The following GATB variants were observed in gnomAD, a reference collection of about 807,000 sequenced individuals.
GATB encodes the protein glutamyl-tRNA amidotransferase subunit B.
GATB carries 39 observed loss-of-function variants against 62.3 expected under a neutral mutation model. That is an observed-to-expected ratio of 0.63 (90% CI 0.48 to 0.82). The LOEUF is 0.82. Ranked by LOEUF, GATB falls within the 40% of genes least tolerant of loss-of-function variation. GATB has a pLI of 0.00. For missense variants in GATB, 670 were observed against 684.0 expected, an observed-to-expected ratio of 0.98 and a Z score of 0.23; for synonymous variants, 276 against 258.9, an observed-to-expected ratio of 1.07 and a Z score of -0.63.
chr4:151,755,456 T>C (rs551140581), intron 2 of GATB, among the ~76,000 whole-genome samples: 1 of 152,338 alleles, frequency 6.6e-6, no homozygotes, highest in South Asian at 2.1e-4. Context: ...TGCATATAAG[T>C]CTTTGCCCAC....
In GATB at chr4:151,760,894, G is replaced by A; in HGVS notation, c.89C>T (p.Ala30Val). The A allele has an allele frequency of 6.2e-7, 1 of 1,613,918 alleles. No individual in the cohort carries two copies. The highest frequency in any genetic ancestry group is 8.5e-7 in the Non-Finnish European group (1 of 1,179,914). Reference sequence around the variant, plus strand: ...CTGGTTGGATGTGGACCCAGTCGGAGCCCCTCTTCGGTGGCAAGAACCACC... The same window carrying A: ...CTGGTTGGATGTGGACCCAGTCGGAACCCCTCTTCGGTGGCAAGAACCACC... ...VDGGSCHRRG[A>V]PTGSTSNQIR... Residue 30 changes from alanine to valine, a missense_variant, in exon 1 of 13, where the codon GCT becomes GTT. Coordinates refer to ENST00000263985, the MANE Select transcript of GATB (RefSeq NM_004564.3).
chr4:151,706,655 C>T (rs576043152), intron 6 of GATB, among the ~76,000 whole-genome samples: 16 of 117,164 alleles, frequency 1.4e-4, no homozygotes, highest in African/African-American at 7.4e-4. Flanking sequence ...TGCCTTTTTC[C>T]TGAAGACTGT....
At chr4:151,679,761 A>C in intron 11 of GATB, 52 bp downstream of exon 11, 1 of 1,480,952 alleles carries the variant, frequency 6.8e-7, no homozygotes, top group Non-Finnish European at 9.4e-7. Flanking sequence ...GTCACAGAAA[A>C]CATTTCTTGG....
chr4:151,690,195 G>A (rs1231118528), intron 9 of GATB, among the ~76,000 whole-genome samples: 1 of 152,204 alleles, frequency 6.6e-6, no homozygotes, highest in East Asian at 1.9e-4. Context: ...TATTGCAGCT[G>A]CTGGAATACA....
In GATB at chr4:151,705,237, C is replaced by T. The variant is rs1310363005; in HGVS notation, c.910G>A (p.Glu304Lys). The change falls in exon 7 of 13, where the codon GAG (glutamate) becomes AAG (lysine). Residue 304 changes from glutamate (E) to lysine (K), a missense_variant. By Grantham distance (56) the Glu-to-Lys change is moderately conservative. Coordinates refer to ENST00000263985, the MANE Select transcript of GATB (RefSeq NM_004564.3). ...YEIQRQINEL[E>K]NGGEILNETR... ...TCGTTCAGAATTTCACCTCCATTCT[C>T]AAGTTCATTGATTTGCCTCTGAATT... 3 of 1,612,978 alleles carry T rather than the reference C, an allele frequency of 1.9e-6. No individual in the cohort carries two copies. Among genetic ancestry groups the T allele is most frequent in the Non-Finnish European group, 2.5e-6 (3 of 1,179,226 alleles).
intron 2 of GATB, among the ~76,000 whole-genome samples, chr4:151,732,502 A>T (rs1216104138): frequency 6.6e-6 from 1 of 152,014 alleles, no homozygotes; most frequent in East Asian, 1.9e-4. Flanking sequence ...GCTTTGTTAA[A>T]CAGATGCTTG....
Position 151,706,702 on chromosome 4 carries a change from A to C in GATB, c.877+1286T>G, listed in dbSNP as rs1244521329. 2.0e-5 allele frequency among the ~76,000 whole-genome samples: 3 copies of C among 152,330 alleles called. No homozygotes were observed. The East Asian group carries it at 5.8e-4, about 29-fold the overall frequency. On this transcript the variant is annotated intron_variant, in intron 6 of 12. Coordinates refer to ENST00000263985, the MANE Select transcript of GATB (RefSeq NM_004564.3). ...GGTTGATTCACTTCAGGTTCAGGACAATAAGGTCTAATACAAGACTAGAAT... is the reference window on the plus strand; with the variant it reads ...GGTTGATTCACTTCAGGTTCAGGACCATAAGGTCTAATACAAGACTAGAAT...
At chr4:151,682,975 C>T (rs895163468) in intron 10 of GATB, among the ~76,000 whole-genome samples, 22 of 152,116 alleles carry the variant, frequency 1.4e-4, no homozygotes, top group Admixed American at 5.9e-4. Context: ...AGCTGAGCCA[C>T]GGTTGAGAAC....
chr4:151,707,169 A>G (rs1160010744), intron 6 of GATB, among the ~76,000 whole-genome samples: 1 of 152,284 alleles, frequency 6.6e-6, no homozygotes, highest in Non-Finnish European at 1.5e-5. Context: ...ACCATGACCT[A>G]GTAAATCTCA....
At chr4:151,679,388 A>C (rs1738088836) in intron 11 of GATB, among the ~76,000 whole-genome samples, 1 of 151,826 alleles carries the variant, frequency 6.6e-6, no homozygotes, top group Non-Finnish European at 1.5e-5. Context: ...TTGAGGACAG[A>C]CTCTCTGAGG....
At chr4:151,697,985 A>ATATATATATGTG (rs1738522157) in intron 9 of GATB, among the ~76,000 whole-genome samples, 1 of 138,288 alleles carries the variant, frequency 7.2e-6, no homozygotes, top group African/African-American at 2.9e-5. Context: ...ATATATATAT[A>ATATATATATGTG]TATATATATG....
At chr4:151,732,564 A>C (rs1297222523) in intron 2 of GATB, among the ~76,000 whole-genome samples, 1 of 152,162 alleles carries the variant, frequency 6.6e-6, no homozygotes, top group Non-Finnish European at 1.5e-5. Flanking sequence ...TCAAGTACCC[A>C]GGGACACAAA....
At chr4:151,757,467 A>AT (rs745311470) in intron 2 of GATB, among the ~76,000 whole-genome samples, 53,347 of 103,878 alleles carry the variant, frequency 0.51, 15,999 homozygotes, top group African/African-American at 0.8. Flanking sequence ...CAGCTTCCAG[A>AT]TTTTTTTTTT....
rs1317485053 is a variant in GATB, at chr4:151,718,267, T to TA, written c.441+1157dup. ...TGCTGAGACGGGAAGTCTCAATTTG[T>TA]AAAACTAAGCTCTGGGTAGGGTTGT... is the stretch of plus-strand genomic sequence containing the variant. On this transcript the variant is annotated intron_variant, in intron 3 of 12. Transcript: ENST00000263985. Among the ~76,000 whole-genome samples the TA allele has an allele frequency of 2.0e-5, 3 of 152,176 alleles. No homozygotes were observed. The East Asian group carries it at 5.8e-4, about 29-fold the overall frequency.
At position 151,697,953 on chromosome 4, in the gene GATB, GTATATATATATATATATATA is replaced by G. The variant is rs56231389; in HGVS notation, c.1197+3356_1197+3375del. ...TTCATATATATGTGTGTGTGTGTGT[GTATATATATATATATATATA>G]TATATATATATATATATATATGAAA... On this transcript the variant is annotated intron_variant, in intron 9 of 12. Transcript: ENST00000263985. Among the ~76,000 whole-genome samples the G allele has an allele frequency of 9.4e-4, 38 of 40,606 alleles. 2 individuals carry two copies. The highest frequency in any genetic ancestry group is 0.014 in the Middle Eastern group (1 of 72). The allele number at this position is 40,606 out of a possible 152,430, so 26.6% of individuals were successfully genotyped here. A position where few individuals can be genotyped will look rare whatever the true frequency, so the allele number is the denominator to read the frequency against.
chr4:151,711,808 C>A lies in GATB; in HGVS notation c.764-3707G>T, dbSNP rs529805338. 7.2e-5 allele frequency among the ~76,000 whole-genome samples: 11 copies of A among 152,282 alleles called. No homozygotes were observed. The East Asian group carries it at 2.1e-3, about 29-fold the overall frequency. ...TTGGTGACTGTTCAATAAATGAAAT[C>A]TTATTGAGCGACGAATGCCAGAACG... On this transcript the variant is annotated intron_variant, in intron 5 of 12. Coordinates refer to ENST00000263985, the MANE Select transcript of GATB (RefSeq NM_004564.3).
chr4:151,703,653 G>A (rs886448481), intron 8 of GATB, 198 bp downstream of exon 8: 4 of 600,420 alleles, frequency 6.7e-6, no homozygotes, highest in Non-Finnish European at 1.2e-5. Context: ...CACCAGATCT[G>A]AGGCTACCAA....
At chr4:151,758,247 TG>T (rs1739876505) in intron 2 of GATB, among the ~76,000 whole-genome samples, 1 of 152,238 alleles carries the variant, frequency 6.6e-6, no homozygotes, top group African/African-American at 2.4e-5. Flanking sequence ...TTCATTTATC[TG>T]CCTAAATTTT....
In GATB at chr4:151,760,999, T is replaced by C. The variant is rs1739948654; in HGVS notation, c.-17A>G. 1.3e-6 allele frequency: 2 copies of C among 1,597,230 alleles called. No individual in the cohort carries two copies. Among genetic ancestry groups the C allele is most frequent in the Non-Finnish European group, 1.7e-6 (2 of 1,173,094 alleles). On this transcript the variant is annotated 5_prime_UTR_variant, in exon 1 of 13. Transcript: ENST00000263985. Reference sequence around the variant, plus strand: ...CGCCGCCATTGTAACTCCAGGGTCTTGGTCAGGTGACTCAGCCTCACTATG... The same window carrying C: ...CGCCGCCATTGTAACTCCAGGGTCTCGGTCAGGTGACTCAGCCTCACTATG...
Sources: gnomAD v4.1 joint callset for allele counts (sites outside exome capture counted in the v4.1 genomes callset) on GRCh38, gnomAD v4.1.1 for gene constraint, MANE v1.5 for transcripts, NCBI Gene and HGNC (gene_info 2026-07-23, HGNC 2026-07-21) for gene names.